The following LRP5 variants were observed in gnomAD, a reference collection of about 807,000 sequenced individuals.
LRP5 encodes low-density lipoprotein receptor-related protein 5.
In LRP5, 62 loss-of-function variants were observed where a neutral mutation model predicts 154.1. The ratio of observed to expected loss-of-function variants is 0.40; its 90% CI spans 0.33 to 0.50. LRP5 has a LOEUF of 0.50. LRP5 is among the 20% of genes least tolerant of loss of function. LRP5 has a pLI of 0.55. For synonymous variants in LRP5, 966 were observed against 1,011.5 expected, an observed-to-expected ratio of 0.96 and a Z score of 0.85; for missense variants, 1,915 against 2,336.7, an observed-to-expected ratio of 0.82 and a Z score of 3.72.
intron 5 of LRP5, among the ~76,000 whole-genome samples, chr11:68,382,841 G>A (rs562254354): frequency 1.2e-4 from 19 of 152,056 alleles, no homozygotes; most frequent in African/African-American, 4.6e-4. Flanking sequence ...ATAGCTCAAG[G>A]GGTGGTGTGT....
chr11:68,299,626 A>T, the LRP5 span, among the ~76,000 whole-genome samples: 1 of 135,812 alleles, frequency 7.4e-6, no homozygotes, highest in African/African-American at 2.8e-5. Context: ...CTTGTTGCCC[A>T]GGCTGGAGTA....
intron 1 of LRP5, among the ~76,000 whole-genome samples, chr11:68,333,102 C>T (rs946260832): frequency 2.0e-5 from 3 of 152,164 alleles, no homozygotes; most frequent in Admixed American, 6.5e-5. Context: ...TTGCGGTCAT[C>T]GTAGCTGCAT....
rs1383651476 is a variant in LRP5, at chr11:68,446,509, T to A, written c.4562T>A (p.Ile1521Asn). The A allele has an allele frequency of 6.2e-7, 1 of 1,614,062 alleles. No homozygotes were observed. Among genetic ancestry groups the A allele is most frequent in the Non-Finnish European group, 8.5e-7 (1 of 1,179,958 alleles). ...YNMDMFYSSNIPATARPYRPY... is the reference protein window; with the variant it reads ...YNMDMFYSSNNPATARPYRPY... ...ATGGACATGTTCTACTCTTCAAACA[T>A]TCCGGCCACTGCGAGACCGTACAGG... The change falls in exon 22 of 23, where the codon ATT becomes AAT. Residue 1521 changes from isoleucine to asparagine, a missense_variant. By Grantham distance (149) the Ile-to-Asn change is moderately radical (BLOSUM62 -3). Coordinates refer to ENST00000294304, the MANE Select transcript of LRP5 (RefSeq NM_002335.4).
At chr11:68,336,506 T>C (rs1003269829) in intron 1 of LRP5, among the ~76,000 whole-genome samples, 2 of 152,192 alleles carry the variant, frequency 1.3e-5, no homozygotes, top group African/African-American at 4.8e-5. Context: ...TTTGCTTTTG[T>C]CACCCAGGCT....
intron 1 of LRP5, among the ~76,000 whole-genome samples, chr11:68,332,800 G>A (rs931473344): frequency 1.3e-5 from 2 of 152,238 alleles, no homozygotes; most frequent in Admixed American, 6.5e-5. Context: ...ATGGATGGAC[G>A]GATGGAGGGA....
At chr11:68,361,410 G>T (rs1398975112) in intron 3 of LRP5, among the ~76,000 whole-genome samples, 1 of 152,152 alleles carries the variant, frequency 6.6e-6, no homozygotes, top group Non-Finnish European at 1.5e-5. Context: ...GCCAAGGCAG[G>T]TGGATCATGA....
At chr11:68,385,443 G>A (rs898355608) in intron 5 of LRP5, among the ~76,000 whole-genome samples, 2 of 152,106 alleles carry the variant, frequency 1.3e-5, no homozygotes, top group African/African-American at 2.4e-5. Flanking sequence ...ATTTAGAAAC[G>A]AGGTCTGAGT....
In LRP5 at chr11:68,386,287, C is replaced by T; in HGVS notation, c.1016-29C>T. Reference sequence around the variant, plus strand: ...CTTGTGCCTGCTGCAGGCCCTTGACCCCTGACCCCATTGCACCTGTCTCCA... The same window carrying T: ...CTTGTGCCTGCTGCAGGCCCTTGACTCCTGACCCCATTGCACCTGTCTCCA... On this transcript the variant is annotated intron_variant, in intron 5 of 22. Coordinates refer to ENST00000294304, the MANE Select transcript of LRP5 (RefSeq NM_002335.4). This position sits in a 1 kb window ranked among gnomAD's most constrained non-coding sequence, Gnocchi z 7.9. 6.2e-7 allele frequency: 1 copy of T among 1,608,264 alleles called. No homozygotes were observed.
At chr11:68,395,162 G>A (rs1405581961) in intron 7 of LRP5, among the ~76,000 whole-genome samples, 3 of 152,062 alleles carry the variant, frequency 2.0e-5, no homozygotes, top group African/African-American at 7.2e-5. Flanking sequence ...TTAGCCAGGC[G>A]TGATGGTGCA....
chr11:68,344,559 A>G (rs314757), intron 1 of LRP5, among the ~76,000 whole-genome samples: 7,103 of 152,014 alleles, frequency 0.047, 225 homozygotes, highest in Non-Finnish European at 0.069. Flanking sequence ...GCCTTAAGTG[A>G]TCTGCCCGCC....
intron 1 of LRP5, among the ~76,000 whole-genome samples, chr11:68,328,671 G>A (rs531020361): frequency 6.6e-6 from 1 of 152,332 alleles, no homozygotes; most frequent in South Asian, 2.1e-4. Flanking sequence ...CAGGGGCACC[G>A]CAGTCTGCAC....
chr11:68,341,059 C>CTTTTTTATTTTTT (rs2098608762), intron 1 of LRP5, among the ~76,000 whole-genome samples: 1 of 83,496 alleles, frequency 1.2e-5, no homozygotes, highest in Non-Finnish European at 2.4e-5. Context: ...GGAGATTGTT[C>CTTTTTTATTTTTT]TTTTTTTTTT....
chr11:68,422,791 G>A (rs557558615), intron 13 of LRP5, among the ~76,000 whole-genome samples: 1 of 111,620 alleles, frequency 9.0e-6, no homozygotes, highest in South Asian at 2.9e-4. Context: ...CATCTGTACC[G>A]ATCCCTTTAC....
At position 68,390,070 on chromosome 11, in the gene LRP5, A is replaced by G; in HGVS notation, c.1584+18A>G. 1.2e-6 allele frequency: 2 copies of G among 1,614,026 alleles called. No homozygotes were observed. Among genetic ancestry groups the G allele is most frequent in the African/African-American group, 1.3e-5 (1 of 75,058 alleles). On this transcript the variant is annotated intron_variant, in intron 7 of 22. Coordinates refer to ENST00000294304, the MANE Select transcript of LRP5 (RefSeq NM_002335.4). ...AGATCGAGGTGAGGCTCCTGTGGAC[A>G]TGTTTGATCCAGGAGGCCAGGCCCA...
At chr11:68,391,076 C>G (rs546892378) in intron 7 of LRP5, among the ~76,000 whole-genome samples, 1 of 152,336 alleles carries the variant, frequency 6.6e-6, no homozygotes, top group Non-Finnish European at 1.5e-5. Context: ...TCATGCCATT[C>G]TCCTGCCTCA....
intron 5 of LRP5, among the ~76,000 whole-genome samples, chr11:68,382,681 A>C (rs2098640894): frequency 6.6e-6 from 1 of 151,854 alleles, no homozygotes; most frequent in Non-Finnish European, 1.5e-5. Flanking sequence ...GCAAGTGAAA[A>C]ACGCACTTCC....
intron 7 of LRP5, among the ~76,000 whole-genome samples, chr11:68,402,029 T>C (rs983836278): frequency 6.6e-6 from 1 of 152,210 alleles, no homozygotes; most frequent in Non-Finnish European, 1.5e-5. Flanking sequence ...CAACAACAGA[T>C]GACCGAAGTC....
the LRP5 span, among the ~76,000 whole-genome samples, chr11:68,299,984 T>C: frequency 9.1e-4 from 130 of 143,432 alleles, 4 homozygotes; most frequent in African/African-American, 2.9e-3. Flanking sequence ...TGCAACCTCT[T>C]TCTCCCAGGT....
intron 1 of LRP5, among the ~76,000 whole-genome samples, chr11:68,322,883 A>G (rs1274447094): frequency 6.6e-6 from 1 of 152,202 alleles, no homozygotes; most frequent in African/African-American, 2.4e-5. Flanking sequence ...TGGGAAACCC[A>G]GTGTACCCCA....
Sources: gnomAD v4.1 joint callset for allele counts (sites outside exome capture counted in the v4.1 genomes callset) on GRCh38, gnomAD v4.1.1 for gene constraint, Gnocchi (gnomAD v3.1) non-coding constraint, MANE v1.5 for transcripts, NCBI Gene and HGNC (gene_info 2026-07-23, HGNC 2026-07-21) for gene names.